Variants in SLCO1A2 observed in about 807,000 individuals in gnomAD.
The protein encoded by SLCO1A2 is solute carrier organic anion transporter family member 1A2.
SLCO1A2 carries 67 observed loss-of-function variants against 69.0 expected under a neutral mutation model. The observed-to-expected ratio is 0.97, with a 90% CI of 0.80 to 1.19. The LOEUF is 1.19. Among genes scored for constraint, SLCO1A2 ranks in the 50% most tolerant of loss-of-function variants. The pLI is 0.00. For synonymous variants in SLCO1A2, 260 were observed against 265.9 expected, an observed-to-expected ratio of 0.98 and a Z score of 0.22; for missense variants, 787 against 793.7, an observed-to-expected ratio of 0.99 and a Z score of 0.10.
intron 12 of SLCO1A2, among the ~76,000 whole-genome samples, chr12:21,275,705 C>T (rs985799545): frequency 1.3e-5 from 2 of 152,098 alleles, no homozygotes; most frequent in African/African-American, 4.8e-5. Flanking sequence ...CACTGGGAGG[C>T]CAAGGCAGAC....
chr12:21,347,406 G>A (rs1953288595), intron 2 of SLCO1A2, among the ~76,000 whole-genome samples: 2 of 152,134 alleles, frequency 1.3e-5, no homozygotes, highest in African/African-American at 4.8e-5. Flanking sequence ...AGCACTTTGG[G>A]ACGCCAAAGG....
At chr12:21,307,447 C>T (rs904127484) in intron 4 of SLCO1A2, among the ~76,000 whole-genome samples, 8 of 152,118 alleles carry the variant, frequency 5.3e-5, no homozygotes, top group African/African-American at 1.9e-4. Context: ...TTCTGAGAAA[C>T]CGTACAATAA....
At chr12:21,350,069 T>C (rs371701089) in intron 2 of SLCO1A2, among the ~76,000 whole-genome samples, 8 of 152,198 alleles carry the variant, frequency 5.3e-5, no homozygotes, top group African/African-American at 1.9e-4. Context: ...CGTTTTCCAA[T>C]TATCAAATTG....
intron 1 of SLCO1A2, among the ~76,000 whole-genome samples, chr12:21,394,002 A>T (rs1260290287): frequency 6.6e-6 from 1 of 152,226 alleles, no homozygotes; most frequent in Non-Finnish European, 1.5e-5. Flanking sequence ...AGAACTGATA[A>T]TAAACCTTGT....
intron 1 of SLCO1A2, among the ~76,000 whole-genome samples, chr12:21,402,051 G>A (rs1412457754): frequency 2.0e-5 from 3 of 150,966 alleles, no homozygotes; most frequent in African/African-American, 7.3e-5. Context: ...CAATGGATTA[G>A]GGATTTTAAT....
chr12:21,334,115 A>C (rs1258306518), intron 2 of SLCO1A2, among the ~76,000 whole-genome samples: 1 of 152,110 alleles, frequency 6.6e-6, no homozygotes, highest in East Asian at 1.9e-4. Flanking sequence ...AACAGCTGAC[A>C]AAATGGCCAT....
chr12:21,271,227 T>A (rs1942772273), intron 14 of SLCO1A2, among the ~76,000 whole-genome samples: 1 of 151,922 alleles, frequency 6.6e-6, no homozygotes, highest in South Asian at 2.1e-4. Flanking sequence ...AAGCATTGAA[T>A]CTGAATTTAG....
At chr12:21,388,919 C>T (rs938414302) in intron 1 of SLCO1A2, among the ~76,000 whole-genome samples, 1 of 152,254 alleles carries the variant, frequency 6.6e-6, no homozygotes, top group Middle Eastern at 3.4e-3. Context: ...CAAACATAGA[C>T]CTAGACCCTT....
intron 1 of SLCO1A2, among the ~76,000 whole-genome samples, chr12:21,412,570 T>G (rs1220939645): frequency 1.3e-5 from 2 of 152,184 alleles, no homozygotes; most frequent in Non-Finnish European, 2.9e-5. Context: ...TTTGTTAGGT[T>G]TTTAAAAGAC....
intron 3 of SLCO1A2, among the ~76,000 whole-genome samples, chr12:21,316,070 G>C (rs541011166): frequency 6.6e-6 from 1 of 152,056 alleles, no homozygotes. Flanking sequence ...CCACCCACTA[G>C]TGGTAGAAAT....
chr12:21,291,164 C>T (rs1313074914), intron 12 of SLCO1A2, among the ~76,000 whole-genome samples: 1 of 152,098 alleles, frequency 6.6e-6, no homozygotes, highest in East Asian at 1.9e-4. Flanking sequence ...TTAGATAATT[C>T]TAACTCTCAT....
chr12:21,390,495 C>G (rs1478302127), intron 1 of SLCO1A2, among the ~76,000 whole-genome samples: 1 of 152,070 alleles, frequency 6.6e-6, no homozygotes, highest in Non-Finnish European at 1.5e-5. Context: ...ATTTTCTTGT[C>G]CTTCAACTTC....
intron 1 of SLCO1A2, among the ~76,000 whole-genome samples, chr12:21,376,599 AT>A (rs2137106623): frequency 6.6e-6 from 1 of 152,266 alleles, no homozygotes; most frequent in Admixed American, 6.5e-5. Flanking sequence ...TTCAACAAGT[AT>A]CCAGTTCACC....
At chr12:21,271,489 T>A (rs758054506) in intron 14 of SLCO1A2, among the ~76,000 whole-genome samples, 223 of 151,630 alleles carry the variant, frequency 1.5e-3, no homozygotes, top group Non-Finnish European at 9.9e-4. Context: ...TGTAAATTTT[T>A]GAGTCATTTA....
At chr12:21,372,386 T>C (rs1421678574) in intron 2 of SLCO1A2, among the ~76,000 whole-genome samples, 1 of 152,190 alleles carries the variant, frequency 6.6e-6, no homozygotes. Context: ...AGGTCTTCCA[T>C]TACTCTTATG....
At chr12:21,341,300 T>C (rs1445044882) in intron 2 of SLCO1A2, among the ~76,000 whole-genome samples, 2 of 152,056 alleles carry the variant, frequency 1.3e-5, no homozygotes, top group Non-Finnish European at 2.9e-5. Context: ...TATTTCTGTA[T>C]AATCTATAGT....
At chr12:21,348,743 T>C (rs1937694797) in intron 2 of SLCO1A2, among the ~76,000 whole-genome samples, 2 of 152,152 alleles carry the variant, frequency 1.3e-5, no homozygotes, top group South Asian at 4.1e-4. Context: ...TTAATATCTA[T>C]TCAATTCAGC....
intron 14 of SLCO1A2, chr12:21,273,900 T>G (rs1387858563): frequency 6.6e-6 from 1 of 152,194 alleles, no homozygotes; most frequent in African/African-American, 2.4e-5. Flanking sequence ...TAATTCAAAT[T>G]TAAACAAAAC....
chr12:21,297,529 A>G lies in SLCO1A2; in HGVS notation c.950T>C (p.Ile317Thr). ...PFMKSLSCNP[I>T]YMLFILVSVI... ...ACTTACAAGTATGAAAAGCATATAA[A>G]TTGGATTGCAGGAAAGACTTTTCAT... The change falls in exon 9 of 15, where the codon ATT becomes ACT. Residue 317 changes from isoleucine (I) to threonine (T), a missense_variant. Physicochemically the swap from Ile to Thr is moderately conservative, Grantham distance 89. Transcript: ENST00000683939. 6.3e-7 allele frequency: 1 copy of G among 1,594,046 alleles called. No individual in the cohort carries two copies. Among genetic ancestry groups the G allele is most frequent in the South Asian group, 1.1e-5 (1 of 88,576 alleles).
Sources: allele counts gnomAD v4.1 joint callset (sites outside exome capture counted in the v4.1 genomes callset), GRCh38; gene constraint gnomAD v4.1.1; transcripts MANE v1.5; gene names NCBI Gene and HGNC (gene_info 2026-07-23, HGNC 2026-07-21).